Variants in AGPAT4 observed in about 807,000 individuals in gnomAD.
AGPAT4 encodes 1-acyl-sn-glycerol-3-phosphate acyltransferase delta.
AGPAT4 carries 15 observed loss-of-function variants against 48.0 expected under a neutral mutation model. That is an observed-to-expected ratio of 0.31 (90% CI 0.21 to 0.48). The LOEUF is 0.48. Among genes scored for constraint, AGPAT4 ranks in the 20% least tolerant of loss-of-function variants. The probability of loss-of-function intolerance (pLI) is 0.99; values close to 1 mark genes in which losing one functional copy is unlikely to be tolerated. For missense variants in AGPAT4, 314 were observed against 482.5 expected, an observed-to-expected ratio of 0.65 and a Z score of 3.27; for synonymous variants, 178 against 198.7, an observed-to-expected ratio of 0.90 and a Z score of 0.88.
At position 161,231,031 on chromosome 6, in the gene AGPAT4, GT is replaced by G. The variant is rs1435161981; in HGVS notation, c.178+1004del. On this transcript the variant is annotated intron_variant, in intron 2 of 8. Transcript: ENST00000320285. This position sits in a 1 kb window ranked among gnomAD's most constrained non-coding sequence, Gnocchi z 5.3. Reference sequence around the variant, plus strand: ...TGGATAATTATACATAGCTTGAATTGTCTTGATTCAAATTCAAATTTGATCA... The same window carrying G: ...TGGATAATTATACATAGCTTGAATTGCTTGATTCAAATTCAAATTTGATCA... Among the ~76,000 whole-genome samples, 2 of 149,672 alleles carry G rather than the reference GT, an allele frequency of 1.3e-5. No homozygotes were observed. The highest frequency in any genetic ancestry group is 3.0e-5 in the Non-Finnish European group (2 of 67,702).
At position 161,195,515 on chromosome 6, in the gene AGPAT4, T is replaced by C. The variant is rs1781045249; in HGVS notation, c.179-29098A>G. Among the ~76,000 whole-genome samples the C allele has an allele frequency of 6.6e-6, 1 of 152,084 alleles. No homozygotes were observed. Among genetic ancestry groups the C allele is most frequent in the African/African-American group, 2.4e-5 (1 of 41,384 alleles). On this transcript the variant is annotated intron_variant, in intron 2 of 8. Transcript: ENST00000320285. The surrounding 1 kb of genome is among the most constrained non-coding windows in gnomAD (Gnocchi z 5.0). ...ACAGTAGCCAGAGATCTTTAAAAGC[T>C]CAAAGCGCTTCCTAGCGCACACTTC...
chr6:161,208,235 G>T lies in AGPAT4; in HGVS notation c.178+23801C>A, dbSNP rs1781430042. 6.6e-6 allele frequency among the ~76,000 whole-genome samples: 1 copy of T among 152,074 alleles called. No individual in the cohort carries two copies. The highest frequency in any genetic ancestry group is 6.5e-5 in the Admixed American group (1 of 15,278). Reference sequence around the variant, plus strand: ...TTTTTATATGAACGTTAGCTACCAAGACAAGCACTGTTACTAAAAGTAAGC... The same window carrying T: ...TTTTTATATGAACGTTAGCTACCAATACAAGCACTGTTACTAAAAGTAAGC... On this transcript the variant is annotated intron_variant, in intron 2 of 8. Transcript: ENST00000320285. This position sits in a 1 kb window ranked among gnomAD's most constrained non-coding sequence, Gnocchi z 4.6.
intron 2 of AGPAT4, among the ~76,000 whole-genome samples, chr6:161,191,933 T>C (rs1780932572): frequency 6.6e-6 from 1 of 152,160 alleles, no homozygotes; most frequent in Non-Finnish European, 1.5e-5. Flanking sequence ...CTTTCAATTC[T>C]CAATTCACCT....
At position 161,197,940 on chromosome 6, in the gene AGPAT4, G is replaced by A. The variant is rs1781116233; in HGVS notation, c.179-31523C>T. On this transcript the variant is annotated intron_variant, in intron 2 of 8. Coordinates refer to ENST00000320285, the MANE Select transcript of AGPAT4 (RefSeq NM_020133.3). This position sits in a 1 kb window ranked among gnomAD's most constrained non-coding sequence, Gnocchi z 5.7. ...CACGTAGGGTTTACCCAGACAATTC[G>A]GGCTGGCAACTTGTTGGTTCTATTT... Among the ~76,000 whole-genome samples, 1 of 152,104 alleles carries A rather than the reference G, an allele frequency of 6.6e-6. No homozygotes were observed. Among genetic ancestry groups the A allele is most frequent in the Non-Finnish European group, 1.5e-5 (1 of 68,014 alleles).
At position 161,154,031 on chromosome 6, in the gene AGPAT4, A is replaced by G; in HGVS notation, c.510+118T>C. The G allele has an allele frequency of 2.2e-6, 3 of 1,369,024 alleles. No individual in the cohort carries two copies. The highest frequency in any genetic ancestry group is 3.1e-6 in the Non-Finnish European group (3 of 979,252). 84.8% of individuals were successfully genotyped at this position (1,369,024 alleles called of 1,614,324 possible). On this transcript the variant is annotated intron_variant, in intron 4 of 8. Transcript: ENST00000320285. This position sits in a 1 kb window ranked among gnomAD's most constrained non-coding sequence, Gnocchi z 7.8. ...GTTATACACAGCCCTATGGTCACACACAGCCCTGGAGTCGCACAGGACCAC... is the reference window on the plus strand; with the variant it reads ...GTTATACACAGCCCTATGGTCACACGCAGCCCTGGAGTCGCACAGGACCAC...
rs1446786030 is a variant in AGPAT4, at chr6:161,266,077, G to C, written c.-90+7861C>G. ...AGCAGTGGTTCTCAGCTGTGGGCAA[G>C]TTTGTCCCTCTAGGGGATTTTTGGC... On this transcript the variant is annotated intron_variant, in intron 1 of 8. Transcript: ENST00000320285. This position sits in a 1 kb window ranked among gnomAD's most constrained non-coding sequence, Gnocchi z 6.2. 1.3e-5 allele frequency among the ~76,000 whole-genome samples: 2 copies of C among 152,286 alleles called. No homozygotes were observed. The highest frequency in any genetic ancestry group is 3.9e-4 in the East Asian group (2 of 5,156).
Position 161,219,916 on chromosome 6 carries a change from C to CAGGCGGCA in AGPAT4, c.178+12119_178+12120insTGCCGCCT, listed in dbSNP as rs770490075. Among the ~76,000 whole-genome samples the CAGGCGGCA allele has an allele frequency of 0.038, 4,033 of 105,396 alleles. 95 individuals are homozygous for CAGGCGGCA. Among genetic ancestry groups the CAGGCGGCA allele is most frequent in the South Asian group, 0.068 (201 of 2,966 alleles). 69.1% of individuals were successfully genotyped at this position (105,396 alleles called of 152,430 possible). A position where few individuals can be genotyped will look rare whatever the true frequency, so the allele number is the denominator to read the frequency against. On this transcript the variant is annotated intron_variant, in intron 2 of 8. Coordinates refer to ENST00000320285, the MANE Select transcript of AGPAT4 (RefSeq NM_020133.3). This position sits in a 1 kb window ranked among gnomAD's most constrained non-coding sequence, Gnocchi z 4.9. Reference sequence around the variant, plus strand: ...GCAGGCAGGCAGGCAGGCAGGCAGGCGGCAGGCAGGCAGGCAGGCAGGCAG... The same window carrying CAGGCGGCA: ...GCAGGCAGGCAGGCAGGCAGGCAGGCAGGCGGCAGGCAGGCAGGCAGGCAGGCAGGCAG...
chr6:161,215,955 T>C lies in AGPAT4; in HGVS notation c.178+16081A>G, dbSNP rs375704302. ...GCATGCACCCTGCCATGAAGGGCTA[T>C]CAAACCTCCTCTGCCCCTAGAGCTG... On this transcript the variant is annotated intron_variant, in intron 2 of 8. Coordinates refer to ENST00000320285, the MANE Select transcript of AGPAT4 (RefSeq NM_020133.3). This position sits in a 1 kb window ranked among gnomAD's most constrained non-coding sequence, Gnocchi z 4.5. Among the ~76,000 whole-genome samples the C allele has an allele frequency of 1.3e-5, 2 of 152,208 alleles. No homozygotes were observed. The highest frequency in any genetic ancestry group is 3.9e-4 in the East Asian group (2 of 5,188).
rs1388544073 is a variant in AGPAT4, at chr6:161,204,337, A to T, written c.178+27699T>A. Among the ~76,000 whole-genome samples, 1 of 152,180 alleles carries T rather than the reference A, an allele frequency of 6.6e-6. No homozygotes were observed. Among genetic ancestry groups the T allele is most frequent in the Non-Finnish European group, 1.5e-5 (1 of 68,034 alleles). ...AGTTGGCCCGAATACATTTTCAATCACTGCATTCTCAAAATTTCTTTCAAA... is the reference window on the plus strand; with the variant it reads ...AGTTGGCCCGAATACATTTTCAATCTCTGCATTCTCAAAATTTCTTTCAAA... On this transcript the variant is annotated intron_variant, in intron 2 of 8. Transcript: ENST00000320285. The surrounding 1 kb of genome is among the most constrained non-coding windows in gnomAD (Gnocchi z 4.4).
intron 2 of AGPAT4, among the ~76,000 whole-genome samples, chr6:161,187,488 G>T (rs35505620): frequency 2.0e-5 from 3 of 151,932 alleles, no homozygotes; most frequent in Non-Finnish European, 4.4e-5. Context: ...GTTAAGGATG[G>T]TATGGTCCTG....
Position 161,136,253 on chromosome 6 carries a change from CCTTT to C in AGPAT4, c.*283_*286del, listed in dbSNP as rs1240554194. On this transcript the variant is annotated 3_prime_UTR_variant, in exon 9 of 9. Transcript: ENST00000320285. ...TGCCCTCCCCTGCAGCCTAAAATAC[CCTTT>C]CTATGATCACAGAACAAAGTTCACA... is the stretch of plus-strand genomic sequence containing the variant. 1.4e-5 allele frequency: 6 copies of C among 418,638 alleles called. No homozygotes were observed. The highest frequency in any genetic ancestry group is 2.0e-5 in the African/African-American group (1 of 49,676). The allele number at this position is 418,638 out of a possible 1,614,324, so 25.9% of individuals were successfully genotyped here. A position where few individuals can be genotyped will look rare whatever the true frequency, so the allele number is the denominator to read the frequency against.
chr6:161,228,315 T>C (rs1295376874), intron 2 of AGPAT4, among the ~76,000 whole-genome samples: 1 of 152,222 alleles, frequency 6.6e-6, no homozygotes, highest in Non-Finnish European at 1.5e-5. Context: ...TCTCACTCCC[T>C]TCTTGCCACC....
Position 161,169,502 on chromosome 6 carries a change from T to C in AGPAT4, c.179-3085A>G, listed in dbSNP as rs1780206023. On this transcript the variant is annotated intron_variant, in intron 2 of 8. Coordinates refer to ENST00000320285, the MANE Select transcript of AGPAT4 (RefSeq NM_020133.3). The surrounding 1 kb of genome is among the most constrained non-coding windows in gnomAD (Gnocchi z 5.0). ...TTTTTTTTGAGATGGTGTGTCACTC[T>C]GTCATCCAGGCTGGAGTGCAGTGGC... Among the ~76,000 whole-genome samples the C allele has an allele frequency of 6.6e-6, 1 of 152,154 alleles. No homozygotes were observed. The highest frequency in any genetic ancestry group is 2.4e-5 in the African/African-American group (1 of 41,432).
Position 161,217,848 on chromosome 6 carries a change from C to T in AGPAT4, c.178+14188G>A. Among the ~76,000 whole-genome samples, 1 of 150,810 alleles carries T rather than the reference C, an allele frequency of 6.6e-6. No individual in the cohort carries two copies. Among genetic ancestry groups the T allele is most frequent in the Non-Finnish European group, 1.5e-5 (1 of 67,862 alleles). On this transcript the variant is annotated intron_variant, in intron 2 of 8. Transcript: ENST00000320285. The surrounding 1 kb of genome is among the most constrained non-coding windows in gnomAD (Gnocchi z 4.9). ...CTCACAGGCAGCACAGCTGGTGCCTCTGCTCCCGCGGGGCCCTGCACACAC... is the reference window on the plus strand; with the variant it reads ...CTCACAGGCAGCACAGCTGGTGCCTTTGCTCCCGCGGGGCCCTGCACACAC...
At chr6:161,194,570 GT>G (rs1215293979) in intron 2 of AGPAT4, among the ~76,000 whole-genome samples, 2 of 148,670 alleles carry the variant, frequency 1.3e-5, no homozygotes, top group Non-Finnish European at 2.9e-5. Context: ...GTGTGTATGT[GT>G]ATGTGTGTAT....
intron 2 of AGPAT4, among the ~76,000 whole-genome samples, chr6:161,199,563 G>A (rs576877063): frequency 7.2e-5 from 11 of 152,276 alleles, no homozygotes; most frequent in East Asian, 3.9e-4. Flanking sequence ...CATGTGATAC[G>A]GTTTGGCTCC....
chr6:161,178,842 G>C lies in AGPAT4; in HGVS notation c.179-12425C>G, dbSNP rs1780504141. On this transcript the variant is annotated intron_variant, in intron 2 of 8. Coordinates refer to ENST00000320285, the MANE Select transcript of AGPAT4 (RefSeq NM_020133.3). This position sits in a 1 kb window ranked among gnomAD's most constrained non-coding sequence, Gnocchi z 5.1. ...GTTTTGACTGTGCTGCTCTCTGAGG[G>C]CTCAGTGAATGCCATCTCTCTACAA... is the stretch of plus-strand genomic sequence containing the variant. 6.6e-6 allele frequency among the ~76,000 whole-genome samples: 1 copy of C among 152,174 alleles called. No homozygotes were observed. Among genetic ancestry groups the C allele is most frequent in the African/African-American group, 2.4e-5 (1 of 41,420 alleles).
At position 161,149,390 on chromosome 6, in the gene AGPAT4, C is replaced by G; in HGVS notation, c.665-101G>C. On this transcript the variant is annotated intron_variant, in intron 5 of 8. Coordinates refer to ENST00000320285, the MANE Select transcript of AGPAT4 (RefSeq NM_020133.3). The surrounding 1 kb of genome is among the most constrained non-coding windows in gnomAD (Gnocchi z 6.5). ...AAGACAATAATCAAATGGCTAACTG[C>G]TTATCTAGAAATGGTGTGGTCAGAT... 1.0e-6 allele frequency: 1 copy of G among 994,552 alleles called. No individual in the cohort carries two copies. Among genetic ancestry groups the G allele is most frequent in the Non-Finnish European group, 1.4e-6 (1 of 701,670 alleles). The allele number at this position is 994,552 out of a possible 1,614,324, so 61.6% of individuals were successfully genotyped here. A position where few individuals can be genotyped will look rare whatever the true frequency, so the allele number is the denominator to read the frequency against.
Position 161,197,793 on chromosome 6 carries a change from C to T in AGPAT4, c.179-31376G>A, listed in dbSNP as rs1244110210. ...GCACCCAGGAGAGTTAAGTGCCTGC[C>T]GGAGTTCTGGAAATAAAATTACTTA... On this transcript the variant is annotated intron_variant, in intron 2 of 8. Coordinates refer to ENST00000320285, the MANE Select transcript of AGPAT4 (RefSeq NM_020133.3). The surrounding 1 kb of genome is among the most constrained non-coding windows in gnomAD (Gnocchi z 5.7). 1.3e-5 allele frequency among the ~76,000 whole-genome samples: 2 copies of T among 152,210 alleles called. No homozygotes were observed. The highest frequency in any genetic ancestry group is 2.1e-4 in the South Asian group (1 of 4,818).
Sources: allele counts gnomAD v4.1 joint callset (sites outside exome capture counted in the v4.1 genomes callset), GRCh38; gene constraint gnomAD v4.1.1; non-coding constraint Gnocchi (gnomAD v3.1); transcripts MANE v1.5; gene names NCBI Gene and HGNC (gene_info 2026-07-23, HGNC 2026-07-21).